The following GLIS3 variants were observed in gnomAD, a reference collection of about 807,000 sequenced individuals.
GLIS3 encodes the protein zinc finger protein GLIS3.
Under a neutral mutation model 78.6 loss-of-function variants are expected in GLIS3, and 53 were observed. That is an observed-to-expected ratio of 0.67 (90% CI 0.54 to 0.85). The LOEUF (loss-of-function observed/expected upper bound fraction) is 0.85, where lower values mean the gene tolerates loss of function less well. GLIS3 is among the 40% of genes least tolerant of loss of function. GLIS3 has a pLI of 0.00. For synonymous variants in GLIS3, 684 were observed against 509.9 expected (o/e 1.34, Z -4.60); for missense variants, 1,703 against 1,231.1 (o/e 1.38, Z -5.74).
intron 2 of GLIS3, among the ~76,000 whole-genome samples, chr9:4,177,312 G>T (rs1010166744): frequency 6.6e-6 from 1 of 152,088 alleles, no homozygotes. Flanking sequence ...TTTTTGTAAG[G>T]TGTACCAATA....
intron 4 of GLIS3, among the ~76,000 whole-genome samples, chr9:4,048,754 C>A (rs1339986398): frequency 1.3e-5 from 2 of 152,164 alleles, no homozygotes; most frequent in Non-Finnish European, 2.9e-5. Flanking sequence ...GGCTGTCTTT[C>A]CAGCCACCCA....
chr9:4,356,761 G>T, the GLIS3 span, among the ~76,000 whole-genome samples: 1 of 152,158 alleles, frequency 6.6e-6, no homozygotes, highest in Non-Finnish European at 1.5e-5. Flanking sequence ...ATTTGCTGAT[G>T]AACCAAAAGC....
chr9:3,951,868 ACACACACACACACACACG>A (rs992667730), intron 4 of GLIS3, among the ~76,000 whole-genome samples: 8 of 149,752 alleles, frequency 5.3e-5, no homozygotes, highest in African/African-American at 2.0e-4. Flanking sequence ...ACACACACAC[ACACACACACACACACACG>A]CACGCACACA....
chr9:4,050,783 T>C (rs1046318243), intron 4 of GLIS3, among the ~76,000 whole-genome samples: 4 of 152,190 alleles, frequency 2.6e-5, no homozygotes, highest in Admixed American at 6.5e-5. Context: ...CCACTGAAAG[T>C]CACTGGCATC....
intron 8 of GLIS3, among the ~76,000 whole-genome samples, chr9:3,866,199 A>G (rs1820567891): frequency 6.6e-6 from 1 of 152,250 alleles, no homozygotes; most frequent in African/African-American, 2.4e-5. Flanking sequence ...TGCACAAGGT[A>G]GCCATCAACC....
chr9:4,368,934 C>T, the GLIS3 span, among the ~76,000 whole-genome samples: 1 of 152,134 alleles, frequency 6.6e-6, no homozygotes, highest in Admixed American at 6.5e-5. Context: ...ATAATCTAAA[C>T]CTGGTTTATG....
intron 4 of GLIS3, among the ~76,000 whole-genome samples, chr9:3,953,795 CTATATA>C (rs57500093): frequency 0.018 from 1,334 of 73,018 alleles, 14 homozygotes; most frequent in Non-Finnish European, 0.021. Context: ...CTCTCTCTCT[CTATATA>C]TATATATATA....
intron 8 of GLIS3, among the ~76,000 whole-genome samples, chr9:3,862,707 T>G (rs370250761): frequency 2.0e-5 from 3 of 152,174 alleles, no homozygotes; most frequent in East Asian, 3.9e-4. Flanking sequence ...TTTTACACGA[T>G]CAACTAGATT....
chr9:4,189,516 G>A (rs1818129590), intron 2 of GLIS3, among the ~76,000 whole-genome samples: 1 of 152,106 alleles, frequency 6.6e-6, no homozygotes, highest in Admixed American at 6.5e-5. Flanking sequence ...AGGTCTGCTT[G>A]GTGCAGAGCT....
intron 2 of GLIS3, among the ~76,000 whole-genome samples, chr9:4,274,975 G>T (rs531544238): frequency 3.9e-5 from 6 of 152,070 alleles, no homozygotes; most frequent in African/African-American, 1.2e-4. Context: ...AACTTTTTAC[G>T]TCTTTCATTA....
At chr9:4,330,206 G>C (rs1024985914) in intron 2 of GLIS3, among the ~76,000 whole-genome samples, 9 of 152,202 alleles carry the variant, frequency 5.9e-5, no homozygotes, top group African/African-American at 2.2e-4. Flanking sequence ...CCAGTAGAAG[G>C]AAAGGAAAGA....
chr9:4,314,610 A>G (rs1438228347), intron 2 of GLIS3, among the ~76,000 whole-genome samples: 1 of 152,228 alleles, frequency 6.6e-6, no homozygotes, highest in Non-Finnish European at 1.5e-5. Context: ...ACAGCTACGG[A>G]ATCTTTCATA....
chr9:3,948,631 T>G (rs1816460624), intron 4 of GLIS3, among the ~76,000 whole-genome samples: 1 of 152,218 alleles, frequency 6.6e-6, no homozygotes, highest in Admixed American at 6.5e-5. Context: ...AAATTCTGCC[T>G]AAAAGTATAA....
chr9:4,340,295 A>G (rs1817816038), intron 2 of GLIS3, among the ~76,000 whole-genome samples: 2 of 142,306 alleles, frequency 1.4e-5, no homozygotes, highest in South Asian at 2.1e-4. Flanking sequence ...TCAAATGAGA[A>G]AAAAAAAAAA....
At chr9:4,426,228 A>AT in the GLIS3 span, among the ~76,000 whole-genome samples, 1 of 152,136 alleles carries the variant, frequency 6.6e-6, no homozygotes, top group Non-Finnish European at 1.5e-5. Context: ...CCAAACAGAG[A>AT]GTAGGCTGAG....
chr9:4,004,520 A>G (rs972761197), intron 4 of GLIS3, among the ~76,000 whole-genome samples: 7 of 152,230 alleles, frequency 4.6e-5, no homozygotes, highest in African/African-American at 1.7e-4. Context: ...GTTGTGTGAA[A>G]TCACCTCAAA....
chr9:4,300,815 G>C (rs1169338808), upstream of GLIS3, among the ~76,000 whole-genome samples: 2 of 151,854 alleles, frequency 1.3e-5, no homozygotes, highest in African/African-American at 4.8e-5. Context: ...TATTGCCACA[G>C]ATGCAAGGAC....
chr9:3,972,275 C>G (rs555892071), intron 4 of GLIS3, among the ~76,000 whole-genome samples: 1 of 152,264 alleles, frequency 6.6e-6, no homozygotes, highest in Middle Eastern at 3.4e-3. Context: ...GAAATCTGTG[C>G]ATATGACAAA....
chr9:4,285,583 T>C (rs1827914217), intron 2 of GLIS3: 1 of 153,494 alleles, frequency 6.5e-6, no homozygotes, highest in Non-Finnish European at 1.5e-5. Flanking sequence ...TTTTTATTCT[T>C]TTCCTTCCAA....
Sources: gnomAD v4.1 joint callset for allele counts (sites outside exome capture counted in the v4.1 genomes callset) on GRCh38, gnomAD v4.1.1 for gene constraint, MANE v1.5 for transcripts, NCBI Gene and HGNC (gene_info 2026-07-23, HGNC 2026-07-21) for gene names.